The following CALN1 variants were observed in gnomAD, a reference collection of about 807,000 sequenced individuals.
The protein encoded by CALN1 is calneuron 1, also known as calcium-binding protein 8.
CALN1 carries 17 observed loss-of-function variants against 30.6 expected under a neutral mutation model. The ratio of observed to expected loss-of-function variants is 0.56; its 90% CI spans 0.38 to 0.83. The LOEUF (loss-of-function observed/expected upper bound fraction) is 0.83. Ranked by LOEUF, CALN1 falls within the 40% of genes least tolerant of loss-of-function variation. CALN1 has a pLI of 0.00. For missense variants in CALN1, 291 were observed against 354.9 expected (o/e 0.82, Z 1.45); for synonymous variants, 156 against 131.4 (o/e 1.19, Z -1.28).
At chr7:72,394,204 C>A (rs1805767891) in intron 2 of CALN1, among the ~76,000 whole-genome samples, 1 of 152,148 alleles carries the variant, frequency 6.6e-6, no homozygotes, top group African/African-American at 2.4e-5. Flanking sequence ...GGACATGACT[C>A]AAGCACTTCC....
At chr7:72,162,763 G>C (rs1202312247) in intron 3 of CALN1, among the ~76,000 whole-genome samples, 1 of 151,932 alleles carries the variant, frequency 6.6e-6, no homozygotes, top group East Asian at 1.9e-4. Context: ...AAAACAAAGA[G>C]GACACATACA....
intron 2 of CALN1, among the ~76,000 whole-genome samples, chr7:72,322,979 T>G (rs1416572750): frequency 6.0e-5 from 6 of 100,108 alleles, no homozygotes; most frequent in South Asian, 3.0e-4. Context: ...CTGGGTGGAG[T>G]GGGAACAGAA....
chr7:71,790,136 GA>G (rs375348954), intron 6 of CALN1, among the ~76,000 whole-genome samples: 1 of 125,800 alleles, frequency 7.9e-6, no homozygotes, highest in Non-Finnish European at 1.6e-5. Context: ...AAAGAAGAAA[GA>G]AGAAAGAAAG....
intron 4 of CALN1, among the ~76,000 whole-genome samples, chr7:72,033,886 G>A (rs923190881): frequency 2.6e-5 from 4 of 152,154 alleles, no homozygotes; most frequent in Admixed American, 6.5e-5. Flanking sequence ...AAGGGTCTTA[G>A]TTAAGACAAT....
intron 1 of CALN1, among the ~76,000 whole-genome samples, chr7:72,432,211 G>A (rs1002321175): frequency 1.3e-5 from 2 of 151,990 alleles, no homozygotes; most frequent in Non-Finnish European, 2.9e-5. Context: ...TTCTATAAAG[G>A]GCAGTTCTCC....
At chr7:72,420,532 A>G (rs1807571004) in intron 1 of CALN1, among the ~76,000 whole-genome samples, 1 of 151,518 alleles carries the variant, frequency 6.6e-6, no homozygotes, top group Admixed American at 6.6e-5. Context: ...GTCATGAGAA[A>G]TCACCTTTTT....
chr7:71,787,838 C>T lies in CALN1; in HGVS notation c.723G>A (p.Met241Ile). 1 of 1,614,150 alleles carries T rather than the reference C, an allele frequency of 6.2e-7. No individual in the cohort carries two copies. Among genetic ancestry groups the T allele is most frequent in the Non-Finnish European group, 8.5e-7 (1 of 1,180,034 alleles). ...TCAGCATGACACTGATGATGAAGGC[C>T]ATAGCAAAGGCGCATATGAGGCTCT... ...VRKSLICAFAMAFIISVMLIA... is the reference protein window; with the variant it reads ...VRKSLICAFAIAFIISVMLIA... The change falls in exon 7 of 7, where the codon ATG (methionine) becomes ATA (isoleucine). Residue 241 changes from methionine (M) to isoleucine (I), a missense_variant. By Grantham distance (10) the Met-to-Ile change is conservative. Transcript: ENST00000395275.
At chr7:71,930,900 CTTCT>C (rs1486975469) in intron 5 of CALN1, among the ~76,000 whole-genome samples, 2 of 152,202 alleles carry the variant, frequency 1.3e-5, no homozygotes, top group African/African-American at 4.8e-5. Flanking sequence ...TCTTCTCTGA[CTTCT>C]TTGTCTAATT....
At chr7:72,291,880 G>A (rs1798501226) in intron 2 of CALN1, among the ~76,000 whole-genome samples, 1 of 152,110 alleles carries the variant, frequency 6.6e-6, no homozygotes, top group Non-Finnish European at 1.5e-5. Flanking sequence ...CCAAAGTACT[G>A]GGATTACAGA....
intron 5 of CALN1, among the ~76,000 whole-genome samples, chr7:71,986,908 A>T (rs1798700635): frequency 6.6e-6 from 1 of 152,212 alleles, no homozygotes; most frequent in African/African-American, 2.4e-5. Context: ...CAGGCAGATC[A>T]CTTGAGACCA....
intron 2 of CALN1, among the ~76,000 whole-genome samples, chr7:72,334,522 A>ACCCCCCCCCCC (rs199877727): frequency 2.0e-5 from 3 of 151,450 alleles, no homozygotes; most frequent in African/African-American, 7.3e-5. Flanking sequence ...CTCAACCTGT[A>ACCCCCCCCCCC]CCCCCCCTCC....
At position 71,977,090 on chromosome 7, in the gene CALN1, G is replaced by A. The variant is rs543850331; in HGVS notation, c.501+46567C>T. Among the ~76,000 whole-genome samples, 12 of 152,180 alleles carry A rather than the reference G, an allele frequency of 7.9e-5. No individual in the cohort carries two copies. The South Asian group carries it at 2.5e-3, about 32-fold the overall frequency. On this transcript the variant is annotated intron_variant, in intron 5 of 6. Transcript: ENST00000395275. ...CTTATGAGTTGACTTTCCATATAAAGCTTTTCTTTTCTAAAAAACCTGATG... is the reference window on the plus strand; with the variant it reads ...CTTATGAGTTGACTTTCCATATAAAACTTTTCTTTTCTAAAAAACCTGATG...
intron 2 of CALN1, among the ~76,000 whole-genome samples, chr7:72,393,894 C>T (rs954912633): frequency 1.3e-5 from 2 of 152,114 alleles, no homozygotes; most frequent in African/African-American, 4.8e-5. Flanking sequence ...GGATTACAGG[C>T]ATGGGCCACC....
chr7:72,144,852 A>C (rs1008080428), intron 3 of CALN1, among the ~76,000 whole-genome samples: 1 of 152,212 alleles, frequency 6.6e-6, no homozygotes. Context: ...CGGAAACAAC[A>C]ACCTGCTCCT....
intron 4 of CALN1, among the ~76,000 whole-genome samples, chr7:72,077,431 G>T (rs777828217): frequency 6.6e-6 from 1 of 151,950 alleles, no homozygotes. Flanking sequence ...ACACCATCAC[G>T]CCCAGCTAAT....
Position 72,111,331 on chromosome 7 carries a change from G to A in CALN1, c.245-5037C>T, listed in dbSNP as rs138038384. 3.2e-3 allele frequency among the ~76,000 whole-genome samples: 483 copies of A among 152,352 alleles called. 4 individuals carry two copies. The highest frequency in any genetic ancestry group is 9.9e-3 in the African/African-American group (413 of 41,574). ...GCATATGGAGTCGCCCAGAATCAAA[G>A]TTGGCGTTCCCACAGGGATCTGAGC... On this transcript the variant is annotated intron_variant, in intron 3 of 6. Transcript: ENST00000395275.
intron 2 of CALN1, among the ~76,000 whole-genome samples, chr7:72,379,167 TCA>T: frequency 6.6e-6 from 1 of 152,232 alleles, no homozygotes; most frequent in South Asian, 2.1e-4. Context: ...TCTTGCTCTG[TCA>T]CACAAACTGG....
chr7:72,430,616 G>C (rs918766450), intron 1 of CALN1, among the ~76,000 whole-genome samples: 7 of 152,116 alleles, frequency 4.6e-5, no homozygotes, highest in Admixed American at 2.6e-4. Flanking sequence ...ACAGGTGAAT[G>C]TCAGTATTTA....
At chr7:71,867,078 G>A (rs1791628661) in intron 5 of CALN1, among the ~76,000 whole-genome samples, 1 of 151,924 alleles carries the variant, frequency 6.6e-6, no homozygotes, top group Admixed American at 6.6e-5. Flanking sequence ...CCGGGAGGCA[G>A]AGGTTGCAGT....
Sources: gnomAD v4.1 joint callset for allele counts (sites outside exome capture counted in the v4.1 genomes callset) on GRCh38, gnomAD v4.1.1 for gene constraint, MANE v1.5 for transcripts, NCBI Gene and HGNC (gene_info 2026-07-23, HGNC 2026-07-21) for gene names.